Variants in KCNQ1 observed in about 807,000 individuals in gnomAD.
KCNQ1 encodes potassium voltage-gated channel subfamily Q member 1.
KCNQ1 carries 49 observed loss-of-function variants against 72.4 expected under a neutral mutation model. The ratio of observed to expected loss-of-function variants is 0.68; its 90% CI spans 0.54 to 0.86. The LOEUF is 0.86. Among genes scored for constraint, KCNQ1 ranks in the 40% least tolerant of loss-of-function variants. The probability of loss-of-function intolerance (pLI) is 0.00; values close to 1 mark genes in which losing one functional copy is unlikely to be tolerated. For synonymous variants in KCNQ1, 450 were observed against 412.6 expected, an observed-to-expected ratio of 1.09 and a Z score of -1.10; for missense variants, 790 against 945.1, an observed-to-expected ratio of 0.84 and a Z score of 2.15.
chr11:2,634,002 T>C, intron 10 of KCNQ1: 1 of 398,666 alleles, frequency 2.5e-6, no homozygotes, highest in East Asian at 3.6e-5. Context: ...GACTGTATTT[T>C]GATGTCAGGC....
chr11:2,702,216 CAT>C (rs1371086637), intron 11 of KCNQ1, among the ~76,000 whole-genome samples: 2 of 152,246 alleles, frequency 1.3e-5, no homozygotes, highest in East Asian at 1.9e-4. Context: ...AAGTCCCACT[CAT>C]GTGGGGTTTA....
rs1847931264 is a variant in KCNQ1, at chr11:2,830,713, C to T, written c.1795-17054C>T. The stretch of plus-strand genomic sequence containing the variant: ...TTGTGGGCCTTCCCAGGAACCCCCA[C>T]ATCTCCGTGGCCCTCAGACCTCTGA... On this transcript the variant is annotated intron_variant, in intron 15 of 15. Transcript: ENST00000155840. The surrounding 1 kb of genome is among the most constrained non-coding windows in gnomAD (Gnocchi z 7.7). 6.6e-6 allele frequency among the ~76,000 whole-genome samples: 1 copy of T among 152,150 alleles called. No homozygotes were observed. The highest frequency in any genetic ancestry group is 1.5e-5 in the Non-Finnish European group (1 of 68,000).
rs189997442 is a variant in KCNQ1 at position 2,458,431 on chromosome 11, A to G, written c.386+12947A>G. ...AACCTGTGAACTGTAACTCGGGGAA[A>G]CCCAGTAGCTGATGGGGTTGCGTCC... On this transcript the variant is annotated intron_variant, in intron 1 of 15. Transcript: ENST00000155840. The surrounding 1 kb of genome is among the most constrained non-coding windows in gnomAD (Gnocchi z 4.6). Among the ~76,000 whole-genome samples the G allele has an allele frequency of 2.6e-5, 4 of 152,304 alleles. No individual in the cohort carries two copies. Among genetic ancestry groups the G allele is most frequent in the East Asian group, 1.9e-4 (1 of 5,184 alleles).
At chr11:2,729,530 A>T (rs117044466) in intron 11 of KCNQ1, among the ~76,000 whole-genome samples, 2,135 of 152,376 alleles carry the variant, frequency 0.014, 29 homozygotes, top group Middle Eastern at 0.082. Flanking sequence ...GCATCCATGG[A>T]TTCAACCAAC....
chr11:2,610,716 CTTTTTTTTTTTTT>C (rs1167505141), intron 10 of KCNQ1: 419 of 228,960 alleles, frequency 1.8e-3, no homozygotes, highest in Middle Eastern at 3.7e-3. Flanking sequence ...TCTTGGTTGG[CTTTTTTTTTTTTT>C]TTTTTTTTTT....
At chr11:2,831,517 C>G (rs142424466) in intron 15 of KCNQ1, among the ~76,000 whole-genome samples, 2,485 of 152,170 alleles carry the variant, frequency 0.016, 25 homozygotes, top group Middle Eastern at 0.027. Context: ...CCCTGAACCA[C>G]CACCCTTAGG....
At chr11:2,570,892 C>A in intron 3 of KCNQ1, 138 bp downstream of exon 3, 2 of 1,198,442 alleles carry the variant, frequency 1.7e-6, no homozygotes, top group Non-Finnish European at 2.4e-6. Context: ...GCCCAGGACC[C>A]AGCACAGGAG....
chr11:2,577,873 AG>A (rs1357130665), intron 6 of KCNQ1, among the ~76,000 whole-genome samples: 1 of 149,838 alleles, frequency 6.7e-6, no homozygotes, highest in East Asian at 2.0e-4. Flanking sequence ...CCCCCCACCC[AG>A]GGGCCTCCCT....
intron 11 of KCNQ1, chr11:2,662,591 C>T (rs1849982140): frequency 2.4e-6 from 1 of 417,880 alleles, no homozygotes; most frequent in Non-Finnish European, 4.2e-6. Flanking sequence ...GCATGCCCGT[C>T]CTCCCCCGCC....
chr11:2,707,025 T>C (rs946899134), intron 11 of KCNQ1, among the ~76,000 whole-genome samples: 1 of 152,122 alleles, frequency 6.6e-6, no homozygotes, highest in African/African-American at 2.4e-5. Context: ...TCCATTTCCT[T>C]GGGACATGGA....
At chr11:2,805,362 C>T (rs535844011) in intron 15 of KCNQ1, among the ~76,000 whole-genome samples, 60 of 152,276 alleles carry the variant, frequency 3.9e-4, no homozygotes, top group Admixed American at 8.5e-4. Flanking sequence ...CGGAGAGGGA[C>T]GACATTTTGC....
In KCNQ1 at chr11:2,571,332, C is replaced by T. The variant is rs199473455; in HGVS notation, c.612C>T (p.Ile204=). Residue 204 remains isoleucine, a synonymous_variant, in exon 4 of 16, where the codon ATC becomes ATT. Transcript: ENST00000155840. Reference sequence around the variant, plus strand: ...CTCTCCTGCACTCCACAGACCTCATCGTGGTCGTGGCCTCCATGGTGGTCC... The same window carrying T: ...CTCTCCTGCACTCCACAGACCTCATTGTGGTCGTGGCCTCCATGGTGGTCC... The part of the protein sequence containing the change: ...ARKPISIIDL[I]VVVASMVVLC... 13 of 1,613,176 alleles carry T rather than the reference C, an allele frequency of 8.1e-6. No individual in the cohort carries two copies. Among genetic ancestry groups the T allele is most frequent in the East Asian group, 4.5e-5 (2 of 44,880 alleles).
rs558894274 is a variant in KCNQ1, at chr11:2,773,000, T to C, written c.1591-2960T>C. Among the ~76,000 whole-genome samples the C allele has an allele frequency of 2.4e-4, 36 of 152,342 alleles. No homozygotes were observed. In the South Asian group the frequency reaches 7.0e-3, roughly 30 times the overall value. ...GAGAGGCTTCGGCCACAGCTGGCTG[T>C]GACTCTGGCTCTGGCATGGTGCTGG... On this transcript the variant is annotated intron_variant, in intron 12 of 15. Transcript: ENST00000155840. The surrounding 1 kb of genome is among the most constrained non-coding windows in gnomAD (Gnocchi z 6.6).
rs1321876196 is a variant in KCNQ1, at chr11:2,537,033, T to G, written c.477+9015T>G. Among the ~76,000 whole-genome samples, 3 of 151,972 alleles carry G rather than the reference T, an allele frequency of 2.0e-5. No homozygotes were observed. The highest frequency in any genetic ancestry group is 4.4e-5 in the Non-Finnish European group (3 of 68,014). ...AGTCTTACTGGATTGGAGGCTACCC[T>G]ACTCCACTGTGACCCCCCTCCTAAC... On this transcript the variant is annotated intron_variant, in intron 2 of 15. Coordinates refer to ENST00000155840, the MANE Select transcript of KCNQ1 (RefSeq NM_000218.3). This position sits in a 1 kb window ranked among gnomAD's most constrained non-coding sequence, Gnocchi z 5.2.
rs1850124613 is a variant in KCNQ1, at chr11:2,668,562, T to C, written c.1514+6481T>C. ...GTTGACTAATGAAGTTGAGTCCCTT[T>C]CCATGTTATCATTTAGTCAGATACA... On this transcript the variant is annotated intron_variant, in intron 11 of 15. Transcript: ENST00000155840. This position sits in a 1 kb window ranked among gnomAD's most constrained non-coding sequence, Gnocchi z 4.3. 1 of 398,546 alleles carries C rather than the reference T, an allele frequency of 2.5e-6. No individual in the cohort carries two copies. The highest frequency in any genetic ancestry group is 4.4e-6 in the Non-Finnish European group (1 of 226,072). The allele number at this position is 398,546 out of a possible 1,614,324, so 24.7% of individuals were successfully genotyped here.
In KCNQ1 at chr11:2,612,469, T is replaced by C; in HGVS notation, c.1393+23615T>C. On this transcript the variant is annotated intron_variant, in intron 10 of 15. Transcript: ENST00000155840. This position sits in a 1 kb window ranked among gnomAD's most constrained non-coding sequence, Gnocchi z 5.5. ...TTTCTATTCTTCAGTCTGAATCATC[T>C]TTATGGATCTGCGTTGAAGTTCATT... 1 of 398,658 alleles carries C rather than the reference T, an allele frequency of 2.5e-6. No individual in the cohort carries two copies. Among genetic ancestry groups the C allele is most frequent in the East Asian group, 3.6e-5 (1 of 28,076 alleles). 24.7% of individuals were successfully genotyped at this position (398,658 alleles called of 1,614,324 possible).
intron 11 of KCNQ1, among the ~76,000 whole-genome samples, chr11:2,739,374 G>A (rs1218928713): frequency 6.6e-6 from 1 of 152,210 alleles, no homozygotes; most frequent in African/African-American, 2.4e-5. Flanking sequence ...GCACCCGGCA[G>A]TTGTTTCTGC....
Position 2,588,955 on chromosome 11 carries a change from C to A in KCNQ1, c.1393+101C>A. On this transcript the variant is annotated intron_variant, in intron 10 of 15. Transcript: ENST00000155840. The surrounding 1 kb of genome is among the most constrained non-coding windows in gnomAD (Gnocchi z 5.6). ...GTGAGTTTCTCCCTTGGGCTGTGGT[C>A]TCTGACAACGAGGTATGAACAGACA... 1 of 1,382,372 alleles carries A rather than the reference C, an allele frequency of 7.2e-7. No homozygotes were observed. Among genetic ancestry groups the A allele is most frequent in the Non-Finnish European group, 1.0e-6 (1 of 997,774 alleles). The allele number at this position is 1,382,372 out of a possible 1,614,324, so 85.6% of individuals were successfully genotyped here. A position where few individuals can be genotyped will look rare whatever the true frequency, so the allele number is the denominator to read the frequency against.
At chr11:2,796,733 G>A (rs1432394031) in intron 15 of KCNQ1, among the ~76,000 whole-genome samples, 1 of 152,218 alleles carries the variant, frequency 6.6e-6, no homozygotes, top group African/African-American at 2.4e-5. Flanking sequence ...TTCCCAGGAA[G>A]ACAGAGACTG....
Sources: allele counts gnomAD v4.1 joint callset (sites outside exome capture counted in the v4.1 genomes callset), GRCh38; gene constraint gnomAD v4.1.1; non-coding constraint Gnocchi (gnomAD v3.1); transcripts MANE v1.5; gene names NCBI Gene and HGNC (gene_info 2026-07-23, HGNC 2026-07-21).